The following MUC4 variants were observed in gnomAD, a reference collection of about 807,000 sequenced individuals.
MUC4 encodes the protein mucin-4.
MUC4 carries 202 observed loss-of-function variants against 257.9 expected under a neutral mutation model. The ratio of observed to expected loss-of-function variants is 0.78; its 90% confidence interval spans 0.70 to 0.88. The LOEUF is 0.88. Ranked by LOEUF, MUC4 falls within the 40% of genes least tolerant of loss-of-function variation. The probability of loss-of-function intolerance (pLI) is 0.00; values close to 1 mark genes in which losing one functional copy is unlikely to be tolerated. For synonymous variants in MUC4, 2,351 were observed against 2,757.1 expected, an observed-to-expected ratio of 0.85 and a Z score of 4.62; for missense variants, 5,976 against 6,513.7, an observed-to-expected ratio of 0.92 and a Z score of 2.84.
rs1716672753 is a variant in MUC4 at position 195,752,581 on chromosome 3, CCTCACCCTACATTCCACA to C, written c.15509-153_15509-136del. 8.5e-6 allele frequency: 6 copies of C among 705,144 alleles called. No individual in the cohort carries two copies. The African/African-American group carries it at 8.8e-5, about 10-fold the overall frequency. The allele number at this position is 705,144 out of a possible 1,614,324, so 43.7% of individuals were successfully genotyped here. On this transcript the variant is annotated intron_variant, in intron 20 of 24. Transcript: ENST00000463781. The stretch of plus-strand genomic sequence containing the variant: ...CACTGAAGAAACCGGGAGAAGTGGC[CCTCACCCTACATTCCACA>C]GTGACAGAAGGTCGCTGAAGAAACC...
At position 195,755,866 on chromosome 3, in the gene MUC4, T is replaced by G. The variant is rs1428089402; in HGVS notation, c.15168+1281A>C. ...TCAGAAGGATGTGTGTGTGTGTCTG[T>G]GTGTGCGTGTGCATGCGTGTGTGTG... On this transcript the variant is annotated intron_variant, in intron 18 of 24. Coordinates refer to ENST00000463781, the MANE Select transcript of MUC4 (RefSeq NM_018406.7). This position sits in a 1 kb window ranked among gnomAD's most constrained non-coding sequence, Gnocchi z 5.0. Among the ~76,000 whole-genome samples the G allele has an allele frequency of 2.0e-5, 3 of 152,146 alleles. No individual in the cohort carries two copies. In the East Asian group the frequency reaches 5.8e-4, roughly 29 times the overall value.
At position 195,782,404 on chromosome 3, in the gene MUC4, A is replaced by G; in HGVS notation, c.9176T>C (p.Val3059Ala). The change falls in exon 2 of 25, where the codon GTC becomes GCC. Residue 3059 changes from valine (V) to alanine (A), a missense_variant. Transcript: ENST00000463781. ...GGTGGATGCTGAGGAAGGGCTGGTGACATGAAGAGGGTTGGCGTGACCTGT... is the reference window on the plus strand; with the variant it reads ...GGTGGATGCTGAGGAAGGGCTGGTGGCATGAAGAGGGTTGGCGTGACCTGT... ...ASTGHANPLH[V>A]TSPSSASTGH... The G allele has an allele frequency of 7.1e-7, 1 of 1,400,542 alleles. No homozygotes were observed. The highest frequency in any genetic ancestry group is 1.3e-5 in the South Asian group (1 of 77,748). 86.8% of individuals were successfully genotyped at this position (1,400,542 alleles called of 1,614,324 possible).
chr3:195,765,394 A>G lies in MUC4; in HGVS notation c.13674T>C (p.Arg4558=). ...RLHREERPNY[R]LECLQWLKSQ... The stretch of plus-strand genomic sequence containing the variant: ...TCTTCAGCCACTGCAGGCACTCGAG[A>G]CGGTAGTTGGGCCTTTCTTCCCGGT... The change falls in exon 9 of 25, where the codon CGT becomes CGC. Residue 4558 remains arginine (R), a synonymous_variant. Coordinates refer to ENST00000463781, the MANE Select transcript of MUC4 (RefSeq NM_018406.7). The G allele has an allele frequency of 6.2e-7, 1 of 1,613,266 alleles. No homozygotes were observed. Among genetic ancestry groups the G allele is most frequent in the Non-Finnish European group, 8.5e-7 (1 of 1,179,940 alleles).
Position 195,779,620 on chromosome 3 carries a change from A to T in MUC4, c.11960T>A (p.Val3987Asp), listed in dbSNP as rs1726300970. The T allele has an allele frequency of 9.1e-7, 1 of 1,095,696 alleles. No homozygotes were observed. The highest frequency in any genetic ancestry group is 1.2e-6 in the Non-Finnish European group (1 of 813,994). 67.9% of individuals were successfully genotyped at this position (1,095,696 alleles called of 1,614,324 possible). A position where few individuals can be genotyped will look rare whatever the true frequency, so the allele number is the denominator to read the frequency against. The change falls in exon 2 of 25, where the codon GTC (valine) becomes GAC (aspartate). Residue 3987 changes from valine to aspartate, a missense_variant. Transcript: ENST00000463781. ...TGTGGATACTGAGGAAGTGTCGGTGACAGGAAGGGGGGTGGCGTGACCTGT... is the reference window on the plus strand; with the variant it reads ...TGTGGATACTGAGGAAGTGTCGGTGTCAGGAAGGGGGGTGGCGTGACCTGT... ...ASTGHATPLP[V>D]TDTSSVSTGH...
intron 14 of MUC4, 136 bp downstream of exon 14, chr3:195,761,951 G>T: frequency 2.7e-6 from 3 of 1,101,098 alleles, no homozygotes; most frequent in Non-Finnish European, 3.8e-6. Flanking sequence ...CTCCCGGCCC[G>T]CTCTGTGCCC....
At chr3:195,791,652 T>C (rs946286541) in intron 1 of MUC4, among the ~76,000 whole-genome samples, 155 bp from the exon 2 acceptor site, 2 of 152,180 alleles carry the variant, frequency 1.3e-5, no homozygotes, top group Non-Finnish European at 2.9e-5. Context: ...ACTTTAAAAT[T>C]CATATGGAAT....
intron 24 of MUC4, among the ~76,000 whole-genome samples, chr3:195,748,586 T>C (rs548669395): frequency 2.6e-5 from 4 of 152,390 alleles, no homozygotes; most frequent in African/African-American, 9.6e-5. Flanking sequence ...ATAAAAAATG[T>C]TTGGCTTTGG....
chr3:195,755,240 C>T lies in MUC4; in HGVS notation c.15169-868G>A, dbSNP rs888112428. Among the ~76,000 whole-genome samples the T allele has an allele frequency of 4.0e-5, 6 of 151,494 alleles. No homozygotes were observed. Among genetic ancestry groups the T allele is most frequent in the African/African-American group, 9.7e-5 (4 of 41,168 alleles). ...TGAGACAGTCTCGTTCTGTTTCCCA[C>T]GCTGCAGTGCAGTGTCTCGATCTCG... On this transcript the variant is annotated intron_variant, in intron 18 of 24. Transcript: ENST00000463781. This position sits in a 1 kb window ranked among gnomAD's most constrained non-coding sequence, Gnocchi z 5.0.
intron 7 of MUC4, among the ~76,000 whole-genome samples, chr3:195,767,530 G>GCCACCACCATCATCATCACCATCA (rs1721005458): frequency 1.9e-5 from 1 of 53,506 alleles, no homozygotes; most frequent in African/African-American, 1.1e-4. Context: ...CACCACCATC[G>GCCACCACCATCATCATCACCATCA]CCACCACCAT....
rs62284989 is a variant in MUC4 at position 195,752,613 on chromosome 3, G to A, written c.15509-167C>T. 1.6e-4 allele frequency: 77 copies of A among 476,562 alleles called. 2 individuals are homozygous for A. The highest frequency in any genetic ancestry group is 5.7e-4 in the African/African-American group (26 of 45,742). The allele number at this position is 476,562 out of a possible 1,614,324, so 29.5% of individuals were successfully genotyped here. ...CTACATTCCACAGTGACAGAAGGTC[G>A]CTGAAGAAACCGGGAGAAGTGGCCC... On this transcript the variant is annotated intron_variant, in intron 20 of 24. Coordinates refer to ENST00000463781, the MANE Select transcript of MUC4 (RefSeq NM_018406.7).
At position 195,755,227 on chromosome 3, in the gene MUC4, G is replaced by A. The variant is rs902042758; in HGVS notation, c.15169-855C>T. On this transcript the variant is annotated intron_variant, in intron 18 of 24. Coordinates refer to ENST00000463781, the MANE Select transcript of MUC4 (RefSeq NM_018406.7). This position sits in a 1 kb window ranked among gnomAD's most constrained non-coding sequence, Gnocchi z 5.0. ...CTTTTTTTTTTAATGAGACAGTCTCGTTCTGTTTCCCACGCTGCAGTGCAG... is the reference window on the plus strand; with the variant it reads ...CTTTTTTTTTTAATGAGACAGTCTCATTCTGTTTCCCACGCTGCAGTGCAG... Among the ~76,000 whole-genome samples, 4 of 150,944 alleles carry A rather than the reference G, an allele frequency of 2.6e-5. No homozygotes were observed. Among genetic ancestry groups the A allele is most frequent in the South Asian group, 2.1e-4 (1 of 4,736 alleles).
chr3:195,757,297 C>A lies in MUC4; in HGVS notation c.15018G>T (p.Ser5006=), dbSNP rs897941346. 7.5e-6 allele frequency: 12 copies of A among 1,609,180 alleles called. No homozygotes were observed. The highest frequency in any genetic ancestry group is 1.0e-5 in the Non-Finnish European group (12 of 1,175,904). ...ENGTLLWTPK[S]LEPFTLEILA... ...GAATCTCCAGAGTGAATGGCTCCAG[C>A]GACTTGGGTGTCCACAGCAACGTCC... is the stretch of plus-strand genomic sequence containing the variant. The change falls in exon 18 of 25, where the codon TCG becomes TCT. Residue 5006 remains serine (S), a synonymous_variant. Transcript: ENST00000463781. This position sits in a 1 kb window ranked among gnomAD's most constrained non-coding sequence, Gnocchi z 4.8.
rs181095207 is a variant in MUC4, at chr3:195,794,094, T to A, written c.83-2597A>T. On this transcript the variant is annotated intron_variant, in intron 1 of 24. Transcript: ENST00000463781. Reference sequence around the variant, plus strand: ...CCTGTGTCTTAAAAAATAAAAATAATAATAATAATAATAAAAATAGATATT... The same window carrying A: ...CCTGTGTCTTAAAAAATAAAAATAAAAATAATAATAATAAAAATAGATATT... Among the ~76,000 whole-genome samples, 34 of 140,604 alleles carry A rather than the reference T, an allele frequency of 2.4e-4. No individual in the cohort carries two copies. The East Asian group carries it at 4.6e-3, about 19-fold the overall frequency. The allele number at this position is 140,604 out of a possible 152,430, so 92.2% of individuals were successfully genotyped here. A position where few individuals can be genotyped will look rare whatever the true frequency, so the allele number is the denominator to read the frequency against.
Position 195,771,180 on chromosome 3 carries a change from G to A in MUC4, c.13242+472C>T, listed in dbSNP as rs867802441. ...GTATTCCTGGTCAGTCTCGTGGTTG[G>A]GTTGGGGTATTCCTGGTCAGTCTCG... On this transcript the variant is annotated intron_variant, in intron 5 of 24. Coordinates refer to ENST00000463781, the MANE Select transcript of MUC4 (RefSeq NM_018406.7). 6.1e-4 allele frequency among the ~76,000 whole-genome samples: 73 copies of A among 119,366 alleles called. 3 individuals are homozygous for A. Among genetic ancestry groups the A allele is most frequent in the Middle Eastern group, 9.0e-3 (2 of 222 alleles). 78.3% of individuals were successfully genotyped at this position (119,366 alleles called of 152,430 possible). A position where few individuals can be genotyped will look rare whatever the true frequency, so the allele number is the denominator to read the frequency against.
chr3:195,783,823 G>A lies in MUC4; in HGVS notation c.7757C>T (p.Ser2586Phe). ...PLPVTSTSSA[S>F]TGDTTPLPVT... ...AGGAAGAGGGGTGGTGTCACCTGTGGATGCTGAGGAAGTGCTGGTGACAGG... is the reference window on the plus strand; with the variant it reads ...AGGAAGAGGGGTGGTGTCACCTGTGAATGCTGAGGAAGTGCTGGTGACAGG... Residue 2586 changes from serine (S) to phenylalanine (F), a missense_variant, in exon 2 of 25, where the codon TCC becomes TTC. By Grantham distance (155) the Ser-to-Phe change is radical. Coordinates refer to ENST00000463781, the MANE Select transcript of MUC4 (RefSeq NM_018406.7). 1 of 1,478,478 alleles carries A rather than the reference G, an allele frequency of 6.8e-7. No homozygotes were observed. Among genetic ancestry groups the A allele is most frequent in the Non-Finnish European group, 9.1e-7 (1 of 1,096,208 alleles). The allele number at this position is 1,478,478 out of a possible 1,614,324, so 91.6% of individuals were successfully genotyped here. A position where few individuals can be genotyped will look rare whatever the true frequency, so the allele number is the denominator to read the frequency against.
rs940731482 is a variant in MUC4, at chr3:195,755,186, T to C, written c.15169-814A>G. On this transcript the variant is annotated intron_variant, in intron 18 of 24. Transcript: ENST00000463781. The surrounding 1 kb of genome is among the most constrained non-coding windows in gnomAD (Gnocchi z 5.0). ...CATGCACCACCACGCCCACTAATTT[T>C]TGTATTTTTCTTCTGCTTTTTTTTT... Among the ~76,000 whole-genome samples, 4 of 151,764 alleles carry C rather than the reference T, an allele frequency of 2.6e-5. No individual in the cohort carries two copies. Among genetic ancestry groups the C allele is most frequent in the Non-Finnish European group, 5.9e-5 (4 of 67,930 alleles).
chr3:195,751,505 C>G (rs977373950), intron 21 of MUC4: 7 of 594,258 alleles, frequency 1.2e-5, no homozygotes, highest in African/African-American at 3.7e-5. Flanking sequence ...TTCTGTCCCC[C>G]CCTCAGCCTC....
At chr3:195,798,364 G>A (rs1734809627) in intron 1 of MUC4, among the ~76,000 whole-genome samples, 1 of 152,114 alleles carries the variant, frequency 6.6e-6, no homozygotes, top group Admixed American at 6.5e-5. Context: ...CCATAATCTT[G>A]CTACCAGACA....
At chr3:195,800,833 T>C (rs1365309577) in intron 1 of MUC4, among the ~76,000 whole-genome samples, 1 of 148,982 alleles carries the variant, frequency 6.7e-6, no homozygotes, top group Non-Finnish European at 1.5e-5. Context: ...GGCGGGAGGA[T>C]TCCTTGAGGC....
Sources: allele counts gnomAD v4.1 joint callset (sites outside exome capture counted in the v4.1 genomes callset), GRCh38; gene constraint gnomAD v4.1.1; non-coding constraint Gnocchi (gnomAD v3.1); transcripts MANE v1.5; gene names NCBI Gene and HGNC (gene_info 2026-07-23, HGNC 2026-07-21).